Variants in KIF26B observed in about 807,000 individuals in gnomAD.
KIF26B encodes kinesin-like protein KIF26B.
Under a neutral mutation model 151.2 loss-of-function variants are expected in KIF26B, and 63 were observed. That is an observed-to-expected ratio of 0.42 (90% CI 0.34 to 0.51). The LOEUF (loss-of-function observed/expected upper bound fraction) is 0.51. Among genes scored for constraint, KIF26B ranks in the 20% least tolerant of loss-of-function variants. The pLI, the probability that KIF26B is intolerant of heterozygous loss-of-function variation, is 0.07. For synonymous variants in KIF26B, 1,357 were observed against 1,262.1 expected (o/e 1.08, Z -1.59); for missense variants, 2,813 against 2,913.6 (o/e 0.97, Z 0.79).
chr1:245,577,928 T>C (rs904398228), intron 5 of KIF26B, among the ~76,000 whole-genome samples: 1 of 151,540 alleles, frequency 6.6e-6, no homozygotes, highest in African/African-American at 2.4e-5. Context: ...GGAAGAGCTT[T>C]CTGGAACTCG....
At position 245,239,375 on chromosome 1, in the gene KIF26B, G is replaced by T. The variant is rs920302029; in HGVS notation, c.465+82692G>T. ...CTTTCCAGAAGAGCTACGTTTTAAT[G>T]ATTTACTAGAAAGCGAATTCTTTCT... On this transcript the variant is annotated intron_variant, in intron 2 of 14. Coordinates refer to ENST00000407071, the MANE Select transcript of KIF26B (RefSeq NM_018012.4). The surrounding 1 kb of genome is among the most constrained non-coding windows in gnomAD (Gnocchi z 4.3). Among the ~76,000 whole-genome samples, 1 of 152,150 alleles carries T rather than the reference G, an allele frequency of 6.6e-6. No homozygotes were observed. Among genetic ancestry groups the T allele is most frequent in the Non-Finnish European group, 1.5e-5 (1 of 68,020 alleles).
At position 245,508,327 on chromosome 1, in the gene KIF26B, G is replaced by A. The variant is rs112748904; in HGVS notation, c.1167-32440G>A. Among the ~76,000 whole-genome samples, 1,073 of 152,226 alleles carry A rather than the reference G, an allele frequency of 7.0e-3. 9 individuals are homozygous for A. Among genetic ancestry groups the A allele is most frequent in the East Asian group, 0.041 (212 of 5,168 alleles). ...GCGATCTCGGCTCACTGCAAGCTCC[G>A]CCTCCTGGGTTCACACCATTCTCCT... On this transcript the variant is annotated intron_variant, in intron 4 of 14. Coordinates refer to ENST00000407071, the MANE Select transcript of KIF26B (RefSeq NM_018012.4).
chr1:245,639,849 A>G (rs1027011334), intron 9 of KIF26B, among the ~76,000 whole-genome samples: 1 of 151,696 alleles, frequency 6.6e-6, no homozygotes, highest in African/African-American at 2.4e-5. Context: ...GACTTTTTAA[A>G]ACTTGTTGAG....
Position 245,438,623 on chromosome 1 carries a change from C to A in KIF26B, c.1166+18878C>A, listed in dbSNP as rs74348768. Among the ~76,000 whole-genome samples the A allele has an allele frequency of 7.2e-4, 109 of 152,186 alleles. 1 individual carries two copies. In the East Asian group the frequency reaches 0.017, roughly 24 times the overall value. ...TTCATGGCAGTGTTATTCATCAAAG[C>A]CCCCAAAATGTAAACTACCCAAATA... On this transcript the variant is annotated intron_variant, in intron 4 of 14. Transcript: ENST00000407071.
intron 2 of KIF26B, among the ~76,000 whole-genome samples, chr1:245,157,571 C>T (rs1260545920): frequency 2.0e-5 from 3 of 152,200 alleles, no homozygotes; most frequent in African/African-American, 7.2e-5. Flanking sequence ...GTCTGCTGGC[C>T]CAACCTGCGT....
chr1:245,541,444 T>C (rs898756255), intron 5 of KIF26B, among the ~76,000 whole-genome samples: 7 of 152,218 alleles, frequency 4.6e-5, no homozygotes, highest in African/African-American at 1.7e-4. Flanking sequence ...CAAGTGCGAT[T>C]TCGAATTGTT....
In KIF26B at chr1:245,322,181, A is replaced by G. The variant is rs544543269; in HGVS notation, c.466-44653A>G. Among the ~76,000 whole-genome samples the G allele has an allele frequency of 2.3e-3, 343 of 152,062 alleles. 1 individual carries two copies. Among genetic ancestry groups the G allele is most frequent in the Middle Eastern group, 6.8e-3 (2 of 294 alleles). On this transcript the variant is annotated intron_variant, in intron 2 of 14. Coordinates refer to ENST00000407071, the MANE Select transcript of KIF26B (RefSeq NM_018012.4). ...AGTAGGAGTTGAACAATGAGAACAC[A>G]TGGACACAGGGAGGAGAACATCACA...
chr1:245,552,420 T>A (rs1661910341), intron 5 of KIF26B, among the ~76,000 whole-genome samples: 1 of 135,862 alleles, frequency 7.4e-6, no homozygotes, highest in African/African-American at 2.6e-5. Flanking sequence ...TAAATGTTAA[T>A]CTCATCTAAA....
chr1:245,596,588 T>C (rs2043337888), intron 5 of KIF26B, among the ~76,000 whole-genome samples: 1 of 152,178 alleles, frequency 6.6e-6, no homozygotes, highest in Non-Finnish European at 1.5e-5. Context: ...TCAGAATATG[T>C]GGTGCTGAGA....
At chr1:245,612,026 C>A in intron 9 of KIF26B, 50 bp downstream of exon 9, 1 of 1,521,922 alleles carries the variant, frequency 6.6e-7, no homozygotes, top group South Asian at 1.1e-5. Flanking sequence ...CTGGCCCCAG[C>A]CAGAAATCCC....
intron 2 of KIF26B, among the ~76,000 whole-genome samples, chr1:245,303,494 G>A (rs868358888): frequency 1.5e-4 from 23 of 150,880 alleles, no homozygotes; most frequent in African/African-American, 4.0e-4. Flanking sequence ...CACCGCGCCC[G>A]GCCCTAAATG....
intron 12 of KIF26B, among the ~76,000 whole-genome samples, chr1:245,697,163 C>T (rs974007486): frequency 1.3e-5 from 2 of 152,152 alleles, no homozygotes; most frequent in Non-Finnish European, 2.9e-5. Flanking sequence ...CCAGAGTTCA[C>T]TCCATAGAGA....
chr1:245,688,081 G>T lies in KIF26B; in HGVS notation c.5098G>T (p.Asp1700Tyr). ...SVSSRLHAGK[D>Y]GTMPRAGRSL... ...GAGCTCCCGGCTGCACGCGGGCAAGGACGGCACCATGCCCCGCGCGGGGAG... is the reference window on the plus strand; with the variant it reads ...GAGCTCCCGGCTGCACGCGGGCAAGTACGGCACCATGCCCCGCGCGGGGAG... Residue 1700 changes from aspartate (D) to tyrosine (Y), a missense_variant, in exon 12 of 15, where the codon GAC (aspartate) becomes TAC (tyrosine). By Grantham distance (160) the Asp-to-Tyr change is radical. Coordinates refer to ENST00000407071, the MANE Select transcript of KIF26B (RefSeq NM_018012.4). The T allele has an allele frequency of 6.4e-7, 1 of 1,554,058 alleles. No individual in the cohort carries two copies.
In KIF26B at chr1:245,388,877, G is replaced by T. The variant is rs115513716; in HGVS notation, c.999+21510G>T. ...AGTCAGGGTGAGATTTGAACTGTGCGCACCTTTGCCTGAAGCCAGTCTCCT... is the reference window on the plus strand; with the variant it reads ...AGTCAGGGTGAGATTTGAACTGTGCTCACCTTTGCCTGAAGCCAGTCTCCT... On this transcript the variant is annotated intron_variant, in intron 3 of 14. Transcript: ENST00000407071. Among the ~76,000 whole-genome samples, 1,322 of 152,276 alleles carry T rather than the reference G, an allele frequency of 8.7e-3. 18 individuals carry two copies. The highest frequency in any genetic ancestry group is 0.03 in the African/African-American group (1,251 of 41,546).
rs561415975 is a variant in KIF26B, at chr1:245,673,289, C to T, written c.2259-10944C>T. ...CATCTTAGGCCCAGTCCCCGCTGGG[C>T]GCTGCCATCTTAGGCCCAGTCCCCG... On this transcript the variant is annotated intron_variant, in intron 10 of 14. Coordinates refer to ENST00000407071, the MANE Select transcript of KIF26B (RefSeq NM_018012.4). Among the ~76,000 whole-genome samples, 24 of 141,554 alleles carry T rather than the reference C, an allele frequency of 1.7e-4. No individual in the cohort carries two copies. The South Asian group carries it at 5.0e-3, about 29-fold the overall frequency. 92.9% of individuals were successfully genotyped at this position (141,554 alleles called of 152,430 possible).
chr1:245,271,542 G>A (rs558917847), intron 2 of KIF26B, among the ~76,000 whole-genome samples: 1 of 145,946 alleles, frequency 6.9e-6, no homozygotes, highest in East Asian at 2.0e-4. Flanking sequence ...CTGGTTTCTT[G>A]CAGTTCTTAT....
At chr1:245,671,612 G>A (rs2044287336) in intron 10 of KIF26B, among the ~76,000 whole-genome samples, 1 of 152,176 alleles carries the variant, frequency 6.6e-6, no homozygotes, top group South Asian at 2.1e-4. Flanking sequence ...TAGTTGCAAG[G>A]TTACAATAGG....
At chr1:245,452,588 C>T (rs569837760) in intron 4 of KIF26B, among the ~76,000 whole-genome samples, 2 of 151,898 alleles carry the variant, frequency 1.3e-5, no homozygotes, top group South Asian at 2.1e-4. Context: ...TTCACATTCT[C>T]GACAGTATTT....
intron 2 of KIF26B, among the ~76,000 whole-genome samples, chr1:245,325,431 C>T (rs1671970703): frequency 6.6e-6 from 1 of 152,150 alleles, no homozygotes; most frequent in African/African-American, 2.4e-5. Flanking sequence ...GAATCCATTT[C>T]AGCTGGGCGC....
Sources: gnomAD v4.1 joint callset for allele counts (sites outside exome capture counted in the v4.1 genomes callset) on GRCh38, gnomAD v4.1.1 for gene constraint, Gnocchi (gnomAD v3.1) non-coding constraint, MANE v1.5 for transcripts, NCBI Gene and HGNC (gene_info 2026-07-23, HGNC 2026-07-21) for gene names.